The following DCLK1 variants were observed in gnomAD, a reference collection of about 807,000 sequenced individuals.
The protein encoded by DCLK1 is doublecortin like kinase 1.
A neutral mutation model predicts 86.2 loss-of-function variants in DCLK1; 16 were observed. That is an observed-to-expected ratio of 0.19 (90% CI 0.13 to 0.28). The LOEUF (loss-of-function observed/expected upper bound fraction) is 0.28, where lower values mean the gene tolerates loss of function less well. Among genes scored for constraint, DCLK1 ranks in the 10% least tolerant of loss-of-function variants. DCLK1 has a pLI of 1.00. For missense variants in DCLK1, 590 were observed against 940.2 expected, an observed-to-expected ratio of 0.63 and a Z score of 4.87; for synonymous variants, 369 against 370.5, an observed-to-expected ratio of 1.00 and a Z score of 0.05.
intron 3 of DCLK1, among the ~76,000 whole-genome samples, chr13:35,997,187 C>T (rs928101183): frequency 6.6e-6 from 1 of 152,150 alleles, no homozygotes; most frequent in Non-Finnish European, 1.5e-5. Context: ...CAAGGCTAGC[C>T]CACTTTGGAT....
intron 4 of DCLK1, among the ~76,000 whole-genome samples, chr13:35,906,199 C>T (rs118141761): frequency 0.014 from 2,155 of 152,260 alleles, 21 homozygotes; most frequent in South Asian, 0.03. Context: ...TTCCAGCTTC[C>T]TGCCTCATCT....
chr13:36,074,174 T>G (rs1401850822), intron 3 of DCLK1, among the ~76,000 whole-genome samples: 2 of 152,086 alleles, frequency 1.3e-5, no homozygotes, highest in African/African-American at 4.8e-5. Context: ...TATTGCTCAC[T>G]GCTAAATTTA....
intron 3 of DCLK1, among the ~76,000 whole-genome samples, chr13:36,037,364 T>C (rs1380010587): frequency 2.0e-5 from 3 of 152,150 alleles, no homozygotes; most frequent in African/African-American, 7.2e-5. Context: ...CAATAACATA[T>C]TACATATTTA....
In DCLK1 at chr13:35,953,126, C is replaced by T. The variant is rs138138747; in HGVS notation, c.724-5669G>A. ...TTCTGTATACATTACTACATTTCAT[C>T]TTCAATATACATGATAACACTGAAT... On this transcript the variant is annotated intron_variant, in intron 3 of 16. Coordinates refer to ENST00000360631, the MANE Select transcript of DCLK1 (RefSeq NM_001330071.2). Among the ~76,000 whole-genome samples, 1,085 of 152,294 alleles carry T rather than the reference C, an allele frequency of 7.1e-3. 9 individuals are homozygous for T. The highest frequency in any genetic ancestry group is 0.025 in the African/African-American group (1,052 of 41,556).
chr13:36,065,102 G>C (rs1405756970), intron 3 of DCLK1, among the ~76,000 whole-genome samples: 2 of 152,194 alleles, frequency 1.3e-5, no homozygotes, highest in East Asian at 3.9e-4. Flanking sequence ...AAAATGAATG[G>C]ACTTCTCAGC....
chr13:35,950,792 T>C (rs1877625562), intron 3 of DCLK1, among the ~76,000 whole-genome samples: 1 of 152,118 alleles, frequency 6.6e-6, no homozygotes, highest in African/African-American at 2.4e-5. Flanking sequence ...TCCATGCTCC[T>C]GTACCTCCCA....
At chr13:35,811,489 T>C (rs9545428) in intron 11 of DCLK1, among the ~76,000 whole-genome samples, 41,683 of 152,036 alleles carry the variant, frequency 0.27, 6,440 homozygotes, top group African/African-American at 0.42. Flanking sequence ...GTATAGAAAG[T>C]CCCTAGTGCA....
chr13:35,825,681 A>G (rs1292301483), intron 10 of DCLK1, among the ~76,000 whole-genome samples: 3 of 152,216 alleles, frequency 2.0e-5, no homozygotes, highest in Non-Finnish European at 4.4e-5. Context: ...TTAAAAATTA[A>G]CATTGTTGTA....
intron 4 of DCLK1, among the ~76,000 whole-genome samples, chr13:35,907,645 G>C (rs1874760705): frequency 6.6e-6 from 1 of 152,046 alleles, no homozygotes; most frequent in African/African-American, 2.4e-5. Flanking sequence ...AGGCAGGATA[G>C]GACAGCCTGC....
intron 4 of DCLK1, among the ~76,000 whole-genome samples, chr13:35,935,483 G>A (rs894874497): frequency 1.3e-5 from 2 of 152,152 alleles, no homozygotes; most frequent in African/African-American, 4.8e-5. Context: ...GTAAAAGTGA[G>A]GGGTGAGTAA....
chr13:35,996,446 G>T (rs1487182825), intron 3 of DCLK1, among the ~76,000 whole-genome samples: 1 of 152,164 alleles, frequency 6.6e-6, no homozygotes, highest in Non-Finnish European at 1.5e-5. Flanking sequence ...TTCTTTGAGG[G>T]TGTTTTTAGA....
intron 8 of DCLK1, among the ~76,000 whole-genome samples, chr13:35,832,573 C>G (rs180867531): frequency 3.4e-3 from 524 of 152,234 alleles, no homozygotes; most frequent in Middle Eastern, 0.01. Flanking sequence ...AGGAGGTGCT[C>G]TGCATATATT....
intron 2 of DCLK1, among the ~76,000 whole-genome samples, chr13:36,112,824 G>A (rs1885662568): frequency 6.6e-6 from 1 of 152,162 alleles, no homozygotes; most frequent in African/African-American, 2.4e-5. Flanking sequence ...TAAGTAAGAG[G>A]TTTTAGAAGT....
intron 6 of DCLK1, chr13:35,848,000 C>A: frequency 1.0e-6 from 1 of 985,236 alleles, no homozygotes; most frequent in African/African-American, 1.7e-5. Flanking sequence ...AACTTTTGCA[C>A]TTCTAAAATG....
intron 4 of DCLK1, among the ~76,000 whole-genome samples, chr13:35,886,564 C>T (rs188763358): frequency 8.7e-4 from 132 of 152,206 alleles, no homozygotes; most frequent in African/African-American, 2.5e-3. Flanking sequence ...TGAGATCCAC[C>T]GGAGAAATTC....
At chr13:35,945,411 AG>A (rs1482457358) in intron 4 of DCLK1, among the ~76,000 whole-genome samples, 1 of 152,116 alleles carries the variant, frequency 6.6e-6, no homozygotes, top group African/African-American at 2.4e-5. Context: ...GAGCTCACCC[AG>A]CCTGGCCAGC....
At chr13:35,911,760 T>C (rs1229197424) in intron 4 of DCLK1, among the ~76,000 whole-genome samples, 2 of 152,184 alleles carry the variant, frequency 1.3e-5, no homozygotes, top group Non-Finnish European at 2.9e-5. Context: ...AGGACTTTAG[T>C]GGTCAGTCAT....
At chr13:36,090,999 T>G (rs1461346540) in intron 3 of DCLK1, among the ~76,000 whole-genome samples, 1 of 152,202 alleles carries the variant, frequency 6.6e-6, no homozygotes, top group Non-Finnish European at 1.5e-5. Context: ...TTTTGAGAAG[T>G]GTCTGTTCAT....
intron 3 of DCLK1, among the ~76,000 whole-genome samples, chr13:35,973,471 G>T (rs1022065798): frequency 3.3e-5 from 5 of 152,106 alleles, no homozygotes; most frequent in African/African-American, 1.2e-4. Flanking sequence ...TCCTCCTATA[G>T]GGCCCACTGG....
Sources: allele counts gnomAD v4.1 joint callset (sites outside exome capture counted in the v4.1 genomes callset), GRCh38; gene constraint gnomAD v4.1.1; transcripts MANE v1.5; gene names NCBI Gene and HGNC (gene_info 2026-07-23, HGNC 2026-07-21).